APPL2: variants seen among roughly 807,000 people sequenced by gnomAD.
APPL2 encodes DCC-interacting protein 13-beta.
In APPL2, 84 loss-of-function variants were observed where a neutral mutation model predicts 92.7. The ratio of observed to expected loss-of-function variants is 0.91; its 90% CI spans 0.76 to 1.09. APPL2 has a LOEUF of 1.09. Among genes scored for constraint, APPL2 ranks in the 50% least tolerant of loss-of-function variants. APPL2 has a pLI of 0.00. For missense variants in APPL2, 736 were observed against 824.5 expected, an observed-to-expected ratio of 0.89 and a Z score of 1.31; for synonymous variants, 291 against 291.0, an observed-to-expected ratio of 1.00 and a Z score of 0.00.
chr12:105,222,716 G>A (rs1167174353), intron 2 of APPL2, among the ~76,000 whole-genome samples: 1 of 152,142 alleles, frequency 6.6e-6, no homozygotes, highest in Non-Finnish European at 1.5e-5. Context: ...ATCTAACTCT[G>A]AGCTCTGGGA....
chr12:105,235,892 C>G (rs1214737380), intron 1 of APPL2, 67 bp downstream of exon 1: 4 of 1,204,944 alleles, frequency 3.3e-6, no homozygotes, highest in African/African-American at 1.6e-5. Context: ...GGCCTCCACT[C>G]CGGGGCTGGA....
chr12:105,213,978 G>A (rs780112578), intron 4 of APPL2, among the ~76,000 whole-genome samples: 9 of 152,098 alleles, frequency 5.9e-5, no homozygotes, highest in Non-Finnish European at 1.0e-4. Context: ...CTGACGTCAG[G>A]AGTTCAAGAC....
intron 18 of APPL2, 22 bp downstream of exon 18, chr12:105,177,204 T>TG: frequency 6.2e-7 from 1 of 1,613,352 alleles, no homozygotes. Context: ...ATCACTAACA[T>TG]GAACCTGTAT....
intron 4 of APPL2, among the ~76,000 whole-genome samples, chr12:105,215,807 G>A (rs1163142127): frequency 6.6e-6 from 1 of 152,038 alleles, no homozygotes; most frequent in Non-Finnish European, 1.5e-5. Context: ...TTGGGATGCC[G>A]AGGTGGGCGG....
Position 105,197,813 on chromosome 12 carries a change from C to T in APPL2, c.1004G>A (p.Cys335Tyr), listed in dbSNP as rs1403138069. The change falls in exon 11 of 21, where the codon TGC becomes TAC. Residue 335 changes from cysteine (C) to tyrosine (Y), a missense_variant. By Grantham distance (194) the Cys-to-Tyr change is radical. Coordinates refer to ENST00000258530, the MANE Select transcript of APPL2 (RefSeq NM_018171.5). ...LDNCSVMAVD[C>Y]EDRRYCFQIT... is the part of the protein sequence containing the mutation. ...CTGGAAGCAGTAGCGCCGGTCTTCG[C>T]AATCCACGGCCATCACTGAGCAGTT... 6.2e-7 allele frequency: 1 copy of T among 1,614,212 alleles called. No homozygotes were observed. Among genetic ancestry groups the T allele is most frequent in the Admixed American group, 1.7e-5 (1 of 60,024 alleles).
At chr12:105,232,435 T>G (rs1890992135) in intron 1 of APPL2, among the ~76,000 whole-genome samples, 2 of 152,178 alleles carry the variant, frequency 1.3e-5, no homozygotes, top group South Asian at 2.1e-4. Flanking sequence ...CACTGACTAC[T>G]GAGAAAATTT....
In APPL2 at chr12:105,189,996, C is replaced by T. The variant is rs748154763; in HGVS notation, c.1401G>A (p.Gly467=). Residue 467 remains glycine (G), a synonymous_variant, in exon 15 of 21, where the codon GGG becomes GGA. Transcript: ENST00000258530. ...TAACCTCTCTCAGCCCATACCTGCT[C>T]CCTCTGTTCTGATCAAGGAATTCTG... ...PATEFLDQNR[G]SRRTNPFGET... 4 of 1,614,060 alleles carry T rather than the reference C, an allele frequency of 2.5e-6. No individual in the cohort carries two copies. Among genetic ancestry groups the T allele is most frequent in the Non-Finnish European group, 3.4e-6 (4 of 1,179,992 alleles).
intron 2 of APPL2, among the ~76,000 whole-genome samples, chr12:105,225,701 A>T (rs1890442672): frequency 6.6e-6 from 1 of 152,228 alleles, no homozygotes; most frequent in South Asian, 2.1e-4. Context: ...GACTCCAGGG[A>T]CTACTGTAAG....
chr12:105,185,814 G>A (rs1038177782), intron 17 of APPL2, among the ~76,000 whole-genome samples: 8 of 152,104 alleles, frequency 5.3e-5, no homozygotes, highest in South Asian at 2.1e-4. Flanking sequence ...TATGCATAAC[G>A]TCAGATTTAT....
chr12:105,228,030 C>T (rs529091122), intron 2 of APPL2, among the ~76,000 whole-genome samples: 1 of 152,182 alleles, frequency 6.6e-6, no homozygotes, highest in African/African-American at 2.4e-5. Flanking sequence ...TTGTCTGCCT[C>T]CCAACCCAAC....
At chr12:105,176,001 G>C in intron 20 of APPL2, 34 bp downstream of exon 20, 2 of 1,534,496 alleles carry the variant, frequency 1.3e-6, no homozygotes, top group Non-Finnish European at 1.7e-6. Flanking sequence ...TGTGTTTTGA[G>C]TAGCTACTAA....
chr12:105,186,086 A>C (rs536033964), intron 17 of APPL2, among the ~76,000 whole-genome samples: 4 of 152,288 alleles, frequency 2.6e-5, no homozygotes, highest in Non-Finnish European at 5.9e-5. Flanking sequence ...TCATTCATCC[A>C]TGTTGTAGCA....
chr12:105,224,658 G>A (rs1265328482), intron 2 of APPL2, among the ~76,000 whole-genome samples: 1 of 152,188 alleles, frequency 6.6e-6, no homozygotes, highest in Admixed American at 6.5e-5. Context: ...TGTGAAAGCT[G>A]AGTGGCCAGC....
intron 8 of APPL2, among the ~76,000 whole-genome samples, chr12:105,205,540 G>A (rs1888626241): frequency 6.6e-6 from 1 of 152,172 alleles, no homozygotes; most frequent in Non-Finnish European, 1.5e-5. Flanking sequence ...AAACCAGCTG[G>A]TGTCAAGCTT....
chr12:105,226,550 G>C lies in APPL2; in HGVS notation c.153+2575C>G, dbSNP rs1234564428. Reference sequence around the variant, plus strand: ...GACAGCGTTTGGATAACCCCAAGTAGATGATTCTGACAGACACCGAAAGGC... The same window carrying C: ...GACAGCGTTTGGATAACCCCAAGTACATGATTCTGACAGACACCGAAAGGC... On this transcript the variant is annotated intron_variant, in intron 2 of 20. Transcript: ENST00000258530. Among the ~76,000 whole-genome samples, 5 of 152,362 alleles carry C rather than the reference G, an allele frequency of 3.3e-5. No homozygotes were observed. The South Asian group carries it at 8.3e-4, about 25-fold the overall frequency.
intron 1 of APPL2, among the ~76,000 whole-genome samples, chr12:105,231,385 G>GC (rs1253576033): frequency 6.6e-6 from 1 of 152,232 alleles, no homozygotes; most frequent in Non-Finnish European, 1.5e-5. Flanking sequence ...CCACCTATGT[G>GC]CTGGACGCTG....
At chr12:105,235,756 G>A (rs1050664556) in intron 1 of APPL2, among the ~76,000 whole-genome samples, 4 of 152,070 alleles carry the variant, frequency 2.6e-5, no homozygotes, top group Admixed American at 2.6e-4. Flanking sequence ...TCTCTCCCCT[G>A]TTCCACAGCT....
intron 4 of APPL2, among the ~76,000 whole-genome samples, chr12:105,214,502 CCATTT>C (rs1406348960): frequency 6.6e-6 from 1 of 152,230 alleles, no homozygotes. Context: ...TATCTTTTAT[CCATTT>C]CAACACATCT....
intron 4 of APPL2, among the ~76,000 whole-genome samples, chr12:105,214,372 G>A (rs1228914501): frequency 1.3e-5 from 2 of 152,146 alleles, no homozygotes; most frequent in African/African-American, 4.8e-5. Context: ...GCAAACATGT[G>A]ACTCAGGAGT....
Sources: gnomAD v4.1 joint callset for allele counts (sites outside exome capture counted in the v4.1 genomes callset) on GRCh38, gnomAD v4.1.1 for gene constraint, MANE v1.5 for transcripts, NCBI Gene and HGNC (gene_info 2026-07-23, HGNC 2026-07-21) for gene names.